ITPR3: variants seen among roughly 807,000 people sequenced by gnomAD.
The protein encoded by ITPR3 is inositol 1,4,5-trisphosphate receptor type 3.
Under a neutral mutation model 293.2 loss-of-function variants are expected in ITPR3, and 173 were observed. That is an observed-to-expected ratio of 0.59 (90% CI 0.52 to 0.67). The LOEUF is 0.67. ITPR3 is among the 30% of genes least tolerant of loss of function. ITPR3 has a pLI of 0.00. For synonymous variants in ITPR3, 1,295 were observed against 1,444.4 expected (o/e 0.90, Z 2.35); for missense variants, 2,796 against 3,592.1 (o/e 0.78, Z 5.66).
chr6:33,639,207 A>C (rs1056796860), intron 1 of ITPR3, among the ~76,000 whole-genome samples: 4 of 152,034 alleles, frequency 2.6e-5, no homozygotes, highest in African/African-American at 9.7e-5. Flanking sequence ...GGTGAAACCC[A>C]GTCTTTACTA....
intron 2 of ITPR3, among the ~76,000 whole-genome samples, chr6:33,652,510 GAGTGC>G (rs1313301382): frequency 6.6e-6 from 1 of 152,194 alleles, no homozygotes; most frequent in South Asian, 2.1e-4. Flanking sequence ...ACCCAGGCTG[GAGTGC>G]AGTGGTGTGA....
chr6:33,687,647 AGAGT>A lies in ITPR3; in HGVS notation c.6264+87_6264+90del. ...TTGACCCAAGGGCGTGGCCTGGAAC[AGAGT>A]GAGGCCCTAGAATATGAGCCAGGCT... On this transcript the variant is annotated intron_variant, in intron 46 of 57. Transcript: ENST00000605930. The surrounding 1 kb of genome is among the most constrained non-coding windows in gnomAD (Gnocchi z 5.3). The A allele has an allele frequency of 9.2e-7, 1 of 1,091,544 alleles. No individual in the cohort carries two copies. The highest frequency in any genetic ancestry group is 1.4e-6 in the Non-Finnish European group (1 of 733,300). The allele number at this position is 1,091,544 out of a possible 1,614,324, so 67.6% of individuals were successfully genotyped here.
Position 33,691,240 on chromosome 6 carries a change from G to T in ITPR3, c.7225+131G>T. 1.2e-6 allele frequency: 1 copy of T among 851,170 alleles called. No homozygotes were observed. Among genetic ancestry groups the T allele is most frequent in the Non-Finnish European group, 1.8e-6 (1 of 543,224 alleles). The allele number at this position is 851,170 out of a possible 1,614,324, so 52.7% of individuals were successfully genotyped here. A position where few individuals can be genotyped will look rare whatever the true frequency, so the allele number is the denominator to read the frequency against. Reference sequence around the variant, plus strand: ...CGTCTGCTTCTCCTCTTGGCTTCTGGGGACGTCTAGCTAACACCAGTCTGC... The same window carrying T: ...CGTCTGCTTCTCCTCTTGGCTTCTGTGGACGTCTAGCTAACACCAGTCTGC... On this transcript the variant is annotated intron_variant, in intron 52 of 57. Transcript: ENST00000605930. The surrounding 1 kb of genome is among the most constrained non-coding windows in gnomAD (Gnocchi z 4.9).
intron 49 of ITPR3, 69 bp from the exon 50 acceptor site, chr6:33,689,169 C>G (rs558214097): frequency 6.5e-7 from 1 of 1,546,730 alleles, no homozygotes; most frequent in Non-Finnish European, 8.7e-7. Context: ...CTTTTCGGCA[C>G]CTGTTGGACC....
intron 22 of ITPR3, 114 bp from the exon 23 acceptor site, chr6:33,673,477 G>C: frequency 7.3e-7 from 1 of 1,367,596 alleles, no homozygotes; most frequent in Non-Finnish European, 1.0e-6. Context: ...TGCCCCAAGT[G>C]CTAGAGCCTA....
At chr6:33,678,113 A>C (rs181514645) in intron 28 of ITPR3, among the ~76,000 whole-genome samples, 6 of 151,908 alleles carry the variant, frequency 3.9e-5, no homozygotes, top group Admixed American at 2.0e-4. Context: ...CTCCAATCTT[A>C]GTCTCATCTC....
intron 10 of ITPR3, 42 bp downstream of exon 10, chr6:33,663,592 C>G: frequency 6.2e-7 from 1 of 1,602,106 alleles, no homozygotes; most frequent in Non-Finnish European, 8.5e-7. Flanking sequence ...ATGGGCCTGC[C>G]CTGGGGGTAG....
In ITPR3 at chr6:33,672,193, A is replaced by G; in HGVS notation, c.2893A>G (p.Met965Val). ...TGAGGAGAATGAGGACATTGTGGTG[A>G]TGGAGACCAAGCTGAAGATCCTGGA... is the stretch of plus-strand genomic sequence containing the variant. ...KFEENEDIVV[M>V]ETKLKILEIL... The change falls in exon 22 of 58, where the codon ATG (methionine) becomes GTG (valine). Residue 965 changes from methionine to valine, a missense_variant. Around this residue, in one of 8 missense-constraint regions of ITPR3, gnomAD observed 955 missense variants for 1,180.8 expected, o/e 0.81. Coordinates refer to ENST00000605930, the MANE Select transcript of ITPR3 (RefSeq NM_002224.4). This position sits in a 1 kb window ranked among gnomAD's most constrained non-coding sequence, Gnocchi z 5.0. 2 of 1,570,330 alleles carry G rather than the reference A, an allele frequency of 1.3e-6. No homozygotes were observed. The highest frequency in any genetic ancestry group is 1.7e-6 in the Non-Finnish European group (2 of 1,152,852).
At position 33,680,772 on chromosome 6, in the gene ITPR3, T is replaced by G. The variant is rs373101768; in HGVS notation, c.4476+92T>G. On this transcript the variant is annotated intron_variant, in intron 33 of 57. Coordinates refer to ENST00000605930, the MANE Select transcript of ITPR3 (RefSeq NM_002224.4). ...ATAAGAATACATATTTATATTTGCTTATAGTACAGAAAGAAGTAACAAAAG... is the reference window on the plus strand; with the variant it reads ...ATAAGAATACATATTTATATTTGCTGATAGTACAGAAAGAAGTAACAAAAG... 1.7e-5 allele frequency: 25 copies of G among 1,462,544 alleles called. No individual in the cohort carries two copies. The African/African-American group carries it at 3.4e-4, about 20-fold the overall frequency. 90.6% of individuals were successfully genotyped at this position (1,462,544 alleles called of 1,614,324 possible).
chr6:33,670,399 T>C lies in ITPR3; in HGVS notation c.2264T>C (p.Leu755Pro). The C allele has an allele frequency of 6.2e-7, 1 of 1,614,144 alleles. No homozygotes were observed. Among genetic ancestry groups the C allele is most frequent in the South Asian group, 1.1e-5 (1 of 91,084 alleles). Reference protein sequence around the residue: ...YLAIDEISQQLGVDLIFLCMA... With the variant: ...YLAIDEISQQPGVDLIFLCMA... The stretch of plus-strand genomic sequence containing the variant: ...GCCATCGACGAGATCTCCCAGCAGC[T>C]GGGCGTGGACCTGATTTTCCTGTGC... The change falls in exon 19 of 58, where the codon CTG (leucine) becomes CCG (proline). Residue 755 changes from leucine (L) to proline (P), a missense_variant. Transcript: ENST00000605930. The surrounding 1 kb of genome is among the most constrained non-coding windows in gnomAD (Gnocchi z 6.7).
At position 33,688,239 on chromosome 6, in the gene ITPR3, A is replaced by T; in HGVS notation, c.6376A>T (p.Ile2126Phe). 6.2e-7 allele frequency: 1 copy of T among 1,614,182 alleles called. No individual in the cohort carries two copies. The highest frequency in any genetic ancestry group is 8.5e-7 in the Non-Finnish European group (1 of 1,180,014). Residue 2126 changes from isoleucine to phenylalanine, a missense_variant and splice_region_variant, in exon 48 of 58, where the codon ATT (isoleucine) becomes TTT (phenylalanine). Physicochemically the swap from Ile to Phe is conservative, Grantham distance 21 (BLOSUM62 0). This residue lies in a region of ITPR3 where 568 missense variants were observed against 796.1 expected (regional missense o/e 0.71). Transcript: ENST00000605930. ...YYENHTSQIE[I>F]VRQDRSMEQI... ...GTGACCATGTGCTGTGTGTGCTCAGATTGTGCGGCAGGACCGCAGCATGGA... is the reference window on the plus strand; with the variant it reads ...GTGACCATGTGCTGTGTGTGCTCAGTTTGTGCGGCAGGACCGCAGCATGGA...
In ITPR3 at chr6:33,669,098, C is replaced by G. The variant is rs1184787172; in HGVS notation, c.2131C>G (p.Leu711Val). 6.2e-7 allele frequency: 1 copy of G among 1,614,050 alleles called. No homozygotes were observed. The highest frequency in any genetic ancestry group is 8.5e-7 in the Non-Finnish European group (1 of 1,180,018). The change falls in exon 18 of 58, where the codon CTG becomes GTG. Residue 711 changes from leucine (L) to valine (V), a missense_variant. Physicochemically the swap from Leu to Val is conservative, Grantham distance 32. This residue lies in a region of ITPR3 where 955 missense variants were observed against 1,180.8 expected (regional missense o/e 0.81). Coordinates refer to ENST00000605930, the MANE Select transcript of ITPR3 (RefSeq NM_002224.4). ...GCATCATGAGAAGAGTGTGAGGCAG[C>G]TGGCCCAGGAGGCGCGGGCCGGCAA... Reference protein sequence around the residue: ...NEHHEKSVRQLAQEARAGNAH... With the variant: ...NEHHEKSVRQVAQEARAGNAH...
rs535407276 is a variant in ITPR3 at position 33,684,673 on chromosome 6, G to A, written c.5122G>A (p.Asp1708Asn). The part of the protein sequence containing the change: ...RKSTSRGDLP[D>N]PIGTGLDPDW... ...GTCCACCTCGCGGGGGGACCTTCCC[G>A]ACCCCATAGGCACTGGTCAGTATCA... Residue 1708 changes from aspartate (D) to asparagine (N), a missense_variant, in exon 38 of 58, where the codon GAC becomes AAC. Physicochemically the swap from Asp to Asn is conservative, Grantham distance 23 (BLOSUM62 1). Around this residue, in one of 8 missense-constraint regions of ITPR3, gnomAD observed 704 missense variants for 797.5 expected, o/e 0.88. Coordinates refer to ENST00000605930, the MANE Select transcript of ITPR3 (RefSeq NM_002224.4). The surrounding 1 kb of genome is among the most constrained non-coding windows in gnomAD (Gnocchi z 4.2). 2.9e-5 allele frequency: 46 copies of A among 1,613,898 alleles called. No individual in the cohort carries two copies. Among genetic ancestry groups the A allele is most frequent in the Non-Finnish European group, 3.6e-5 (42 of 1,180,028 alleles).
chr6:33,649,614 T>C (rs1764143501), intron 2 of ITPR3, among the ~76,000 whole-genome samples: 1 of 152,270 alleles, frequency 6.6e-6, no homozygotes, highest in Non-Finnish European at 1.5e-5. Context: ...TTCTATAGGT[T>C]GAGTCTAAAC....
At chr6:33,648,071 T>TC (rs200900575) in intron 2 of ITPR3, among the ~76,000 whole-genome samples, 29,743 of 149,992 alleles carry the variant, frequency 0.2, 3,675 homozygotes, top group South Asian at 0.3. Context: ...TTTTTCTTTT[T>TC]TTTTTTTTTT....
chr6:33,673,296 C>T (rs769247043), intron 22 of ITPR3, among the ~76,000 whole-genome samples: 2 of 152,134 alleles, frequency 1.3e-5, no homozygotes, highest in Non-Finnish European at 2.9e-5. Flanking sequence ...GAAAGAGGGA[C>T]TGAGTGGGCC....
rs140704112 is a variant in ITPR3, at chr6:33,689,377, C to T, written c.6834C>T (p.Ile2278=). The change falls in exon 50 of 58, where the codon ATC becomes ATT. Residue 2278 remains isoleucine (I), a synonymous_variant. Transcript: ENST00000605930. ...TGCGCTCCATCTACTATCTGGGCAT[C>T]GGGCCCACACTCAACATCCTGGGTG... ...LILRSIYYLG[I]GPTLNILGAL... 3.1e-6 allele frequency: 5 copies of T among 1,611,244 alleles called. No homozygotes were observed. The highest frequency in any genetic ancestry group is 1.1e-5 in the South Asian group (1 of 91,084).
At chr6:33,671,035 C>T in intron 20 of ITPR3, 130 bp from the exon 21 acceptor site, 1 of 1,469,106 alleles carries the variant, frequency 6.8e-7, no homozygotes, top group South Asian at 1.3e-5. Flanking sequence ...GCTCCGCTCT[C>T]CCTCCTGGGA....
In ITPR3 at chr6:33,677,054, G is replaced by C; in HGVS notation, c.3487G>C (p.Glu1163Gln). The change falls in exon 27 of 58, where the codon GAG becomes CAG. Residue 1163 changes from glutamate to glutamine, a missense_variant. Coordinates refer to ENST00000605930, the MANE Select transcript of ITPR3 (RefSeq NM_002224.4). ...DEEGFLHPPGEKSSENYQIVK... is the reference protein window; with the variant it reads ...DEEGFLHPPGQKSSENYQIVK... ...GGAGGGCTTTCTGCACCCACCAGGG[G>C]AGAAAAGCAGTGAGAACTACCAGAT... is the stretch of plus-strand genomic sequence containing the variant. 6.2e-7 allele frequency: 1 copy of C among 1,614,216 alleles called. No individual in the cohort carries two copies. Among genetic ancestry groups the C allele is most frequent in the South Asian group, 1.1e-5 (1 of 91,084 alleles).
Sources: gnomAD v4.1 joint callset for allele counts (sites outside exome capture counted in the v4.1 genomes callset) on GRCh38, gnomAD v4.1.1 for gene constraint, gnomAD v4.1.1 regional missense constraint, Gnocchi (gnomAD v3.1) non-coding constraint, MANE v1.5 for transcripts, NCBI Gene and HGNC (gene_info 2026-07-23, HGNC 2026-07-21) for gene names.